SLC25A14: variants seen among roughly 807,000 people sequenced by gnomAD.
The protein encoded by SLC25A14 is solute carrier family 25 member 14, also known as brain mitochondrial carrier protein 1.
A neutral mutation model predicts 28.1 loss-of-function variants in SLC25A14; 8 were observed. The ratio of observed to expected loss-of-function variants is 0.28; its 90% CI spans 0.17 to 0.51. SLC25A14 has a LOEUF of 0.51. Ranked by LOEUF, SLC25A14 falls within the 20% of genes least tolerant of loss-of-function variation. The pLI, the probability that SLC25A14 is intolerant of heterozygous loss-of-function variation, is 0.97. For missense variants in SLC25A14, 135 were observed against 263.8 expected, an observed-to-expected ratio of 0.51 and a Z score of 3.38; for synonymous variants, 74 against 90.6, an observed-to-expected ratio of 0.82 and a Z score of 1.04.
At chrX:130,364,822 C>A (rs2034074778) in intron 8 of SLC25A14, 70 bp downstream of exon 8, 2 of 1,165,068 alleles carry the variant, frequency 1.7e-6, no homozygotes, top group Admixed American at 4.6e-5. Flanking sequence ...TTACTGAAAT[C>A]CTCAGGTGGA....
At chrX:130,365,335 G>A (rs2034088637) in intron 8 of SLC25A14, 1 of 988,644 alleles carries the variant, frequency 1.0e-6, no homozygotes, top group South Asian at 3.9e-5. Context: ...AAAAGGCTGA[G>A]TTTCAGATTG....
Position 130,340,263 on chromosome X carries a change from G to C in SLC25A14, c.-16G>C. On this transcript the variant is annotated 5_prime_UTR_variant, in exon 2 of 11. Transcript: ENST00000545805. The stretch of plus-strand genomic sequence containing the variant: ...ACAGCTGAGGAACTGGCAAGATCCT[G>C]CTACCCAGAGGGTGAATGGGTATCT... The C allele has an allele frequency of 8.3e-7, 1 of 1,210,335 alleles. No homozygotes were observed. The highest frequency in any genetic ancestry group is 1.1e-6 in the Non-Finnish European group (1 of 894,153).
At chrX:130,360,406 T>C (rs2033934148) in intron 7 of SLC25A14, among the ~76,000 whole-genome samples, 1 of 111,606 alleles carries the variant, frequency 9.0e-6, no homozygotes, top group Middle Eastern at 4.7e-3. Flanking sequence ...TATTAGTTTG[T>C]CCCATGATTA....
intron 5 of SLC25A14, 116 bp downstream of exon 5, chrX:130,349,461 A>G: frequency 4.8e-6 from 2 of 413,197 alleles, no homozygotes; most frequent in Non-Finnish European, 8.6e-6. Context: ...TGCAAAGACA[A>G]AGTGAGCTTG....
intron 7 of SLC25A14, 90 bp downstream of exon 7, chrX:130,358,825 A>G: frequency 1.4e-6 from 1 of 726,144 alleles, no homozygotes. Context: ...AAAATCGTGA[A>G]TTATAATCCA....
intron 2 of SLC25A14, among the ~76,000 whole-genome samples, chrX:130,342,507 G>A (rs193097635): frequency 8.9e-6 from 1 of 112,045 alleles, no homozygotes; most frequent in Non-Finnish European, 1.9e-5. Context: ...AAAAAAGAAT[G>A]CATTTGTTGA....
intron 4 of SLC25A14, among the ~76,000 whole-genome samples, chrX:130,348,120 G>A (rs959600999): frequency 1.8e-5 from 2 of 110,996 alleles, no homozygotes; most frequent in Non-Finnish European, 3.8e-5. Flanking sequence ...ATCTGAGATC[G>A]GTGCCAGTTT....
intron 5 of SLC25A14, chrX:130,349,577 A>G (rs2033561740): frequency 4.5e-6 from 1 of 221,180 alleles, no homozygotes; most frequent in Non-Finnish European, 8.3e-6. Flanking sequence ...TGATCATCCC[A>G]AAAGAAACAT....
chrX:130,362,884 A>G (rs1193519400), intron 7 of SLC25A14, among the ~76,000 whole-genome samples: 3 of 111,768 alleles, frequency 2.7e-5, no homozygotes, highest in Non-Finnish European at 5.6e-5. Context: ...GCTTCTTCAT[A>G]CCTTTGCTGT....
chrX:130,362,101 TTTTATTTATTTATTTA>T (rs756869110), intron 7 of SLC25A14, among the ~76,000 whole-genome samples: 992 of 95,731 alleles, frequency 0.01, 18 homozygotes, highest in African/African-American at 0.035. Flanking sequence ...TTCCACTTCA[TTTTATTTATTTATTTA>T]TTTATTTATT....
intron 10 of SLC25A14, 42 bp from the exon 11 acceptor site, chrX:130,372,866 CT>C: frequency 1.0e-6 from 1 of 978,911 alleles, no homozygotes; most frequent in Non-Finnish European, 1.5e-6. Flanking sequence ...CTAGCTTTGG[CT>C]TTCGATATCA....
chrX:130,368,146 T>TA (rs1448481592), intron 9 of SLC25A14, among the ~76,000 whole-genome samples: 2 of 112,163 alleles, frequency 1.8e-5, no homozygotes, highest in Admixed American at 1.9e-4. Context: ...CGAGGAAACT[T>TA]AGAGAGTAGT....
chrX:130,346,797 C>A, intron 4 of SLC25A14, 106 bp downstream of exon 4: 1 of 673,121 alleles, frequency 1.5e-6, no homozygotes, highest in Non-Finnish European at 2.2e-6. Context: ...ACCATTTCAA[C>A]TTGTAATTCA....
At chrX:130,352,522 T>G (rs1010580627) in intron 6 of SLC25A14, among the ~76,000 whole-genome samples, 2 of 112,574 alleles carry the variant, frequency 1.8e-5, no homozygotes, top group Non-Finnish European at 3.8e-5. Flanking sequence ...GCTGAACTAA[T>G]TTACATTCCC....
In SLC25A14 at chrX:130,358,697, G is replaced by A. The variant is rs2033867819; in HGVS notation, c.556G>A (p.Asp186Asn). The A allele has an allele frequency of 2.5e-6, 3 of 1,203,875 alleles. No homozygotes were observed. Among genetic ancestry groups the A allele is most frequent in the Non-Finnish European group, 3.4e-6 (3 of 888,799 alleles). Reference protein sequence around the residue: ...FQGSMIGSFIDIYQQEGTRGL... With the variant: ...FQGSMIGSFINIYQQEGTRGL... ...AGGGAGCATGATTGGAAGCTTTATC[G>A]ATATATACCAACAAGAAGGCACCAG... Residue 186 changes from aspartate (D) to asparagine (N), a missense_variant, in exon 7 of 11, where the codon GAT becomes AAT. By Grantham distance (23) the Asp-to-Asn change is conservative. Coordinates refer to ENST00000545805, the MANE Select transcript of SLC25A14 (RefSeq NM_001282195.2).
chrX:130,349,247 T>TC lies in SLC25A14; in HGVS notation c.318-3dup. On this transcript the variant is annotated splice_region_variant and splice_polypyrimidine_tract_variant and intron_variant, in intron 4 of 10. Coordinates refer to ENST00000545805, the MANE Select transcript of SLC25A14 (RefSeq NM_001282195.2). Reference sequence around the variant, plus strand: ...GAATAACTTTTTACTTTTTTTTTTTTCAGAATTGCTCCTGCGTTGCTAAGA... The same window carrying TC: ...GAATAACTTTTTACTTTTTTTTTTTTCCAGAATTGCTCCTGCGTTGCTAAGA... 8.7e-7 allele frequency: 1 copy of TC among 1,155,680 alleles called. No homozygotes were observed. Among genetic ancestry groups the TC allele is most frequent in the Non-Finnish European group, 1.2e-6 (1 of 856,568 alleles).
rs2033199337 is a variant in SLC25A14, at chrX:130,340,140, A to T, written c.-139A>T. The T allele has an allele frequency of 2.7e-6, 3 of 1,126,285 alleles. No individual in the cohort carries two copies. Among genetic ancestry groups the T allele is most frequent in the East Asian group, 3.1e-5 (1 of 32,192 alleles). The allele number at this position is 1,126,285 out of a possible 1,213,427, so 92.8% of individuals were successfully genotyped here. On this transcript the variant is annotated 5_prime_UTR_variant, in exon 2 of 11. Transcript: ENST00000545805. ...CTTCCCTGTCTTTCACTCTTCTGGC[A>T]TCGGTGGTTTTACTTCTTCGATTGA... is the stretch of plus-strand genomic sequence containing the variant.
chrX:130,361,244 G>T (rs1350143540), intron 7 of SLC25A14, among the ~76,000 whole-genome samples: 2 of 112,205 alleles, frequency 1.8e-5, no homozygotes, highest in Non-Finnish European at 3.8e-5. Context: ...TGGGTAAATG[G>T]GTGTGCAAAT....
chrX:130,366,295 C>G (rs16999666), intron 9 of SLC25A14, among the ~76,000 whole-genome samples: 5 of 112,170 alleles, frequency 4.5e-5, no homozygotes, highest in Non-Finnish European at 9.4e-5. Context: ...GGTATACAAA[C>G]GGATCATCAG....
Sources: gnomAD v4.1 joint callset for allele counts (sites outside exome capture counted in the v4.1 genomes callset) on GRCh38, gnomAD v4.1.1 for gene constraint, MANE v1.5 for transcripts, NCBI Gene and HGNC (gene_info 2026-07-23, HGNC 2026-07-21) for gene names.